Variants in CBL observed in about 807,000 individuals in gnomAD.
The protein encoded by CBL is Cbl proto-oncogene, also known as E3 ubiquitin-protein ligase CBL.
A neutral mutation model predicts 96.9 loss-of-function variants in CBL; 45 were observed. The observed-to-expected ratio is 0.46, with a 90% CI of 0.37 to 0.60. The LOEUF is 0.60. Ranked by LOEUF, CBL falls within the 20% of genes least tolerant of loss-of-function variation. The pLI, the probability that CBL is intolerant of heterozygous loss-of-function variation, is 0.00. For synonymous variants in CBL, 420 were observed against 426.8 expected (o/e 0.98, Z 0.20); for missense variants, 1,024 against 1,143.5 (o/e 0.90, Z 1.51).
chr11:119,250,590 A>C (rs758524105), intron 2 of CBL, among the ~76,000 whole-genome samples: 11 of 152,192 alleles, frequency 7.2e-5, no homozygotes, highest in Non-Finnish European at 1.3e-4. Context: ...TAGATCAATC[A>C]CAGGGCTTGC....
chr11:119,272,502 G>T (rs980861704), intron 3 of CBL, among the ~76,000 whole-genome samples: 14 of 152,196 alleles, frequency 9.2e-5, no homozygotes, highest in African/African-American at 2.9e-4. Context: ...TCATATGCAA[G>T]AAATTGTCTT....
intron 1 of CBL, among the ~76,000 whole-genome samples, chr11:119,210,603 A>ATTTTT (rs768564444): frequency 0.031 from 3,052 of 98,600 alleles, 252 homozygotes; most frequent in African/African-American, 0.12. Context: ...TAATTTTTCA[A>ATTTTT]TTTTTTTTTT....
At position 119,305,171 on chromosome 11, in the gene CBL, A is replaced by G; in HGVS notation, c.*5390A>G. The G allele has an allele frequency of 4.4e-6, 1 of 226,422 alleles. No individual in the cohort carries two copies. The highest frequency in any genetic ancestry group is 6.3e-5 in the East Asian group (1 of 15,840). The allele number at this position is 226,422 out of a possible 1,614,324, so 14.0% of individuals were successfully genotyped here. A position where few individuals can be genotyped will look rare whatever the true frequency, so the allele number is the denominator to read the frequency against. On this transcript the variant is annotated 3_prime_UTR_variant, in exon 16 of 16. Transcript: ENST00000264033. ...AGGAAGGCACAGGAGTTTGTCTGGG[A>G]CATCATAGAAATTCTTAGGTTTAAC...
chr11:119,300,111 G>A lies in CBL; in HGVS notation c.*330G>A. 1 of 549,334 alleles carries A rather than the reference G, an allele frequency of 1.8e-6. No individual in the cohort carries two copies. The highest frequency in any genetic ancestry group is 3.2e-6 in the Non-Finnish European group (1 of 308,240). The allele number at this position is 549,334 out of a possible 1,614,324, so 34.0% of individuals were successfully genotyped here. A position where few individuals can be genotyped will look rare whatever the true frequency, so the allele number is the denominator to read the frequency against. On this transcript the variant is annotated 3_prime_UTR_variant, in exon 16 of 16. Transcript: ENST00000264033. Reference sequence around the variant, plus strand: ...GTATTTTGCTGGAAATCCTAATTGAGGACTTAAGACTTCCTGGGTTAAGGA... The same window carrying A: ...GTATTTTGCTGGAAATCCTAATTGAAGACTTAAGACTTCCTGGGTTAAGGA...
At chr11:119,225,457 G>C (rs972037666) in intron 1 of CBL, among the ~76,000 whole-genome samples, 1 of 152,104 alleles carries the variant, frequency 6.6e-6, no homozygotes, top group Non-Finnish European at 1.5e-5. Context: ...GGAGTGTGGT[G>C]ATGCAGTCTT....
At chr11:119,254,503 G>A (rs11217222) in intron 2 of CBL, among the ~76,000 whole-genome samples, 7,176 of 152,230 alleles carry the variant, frequency 0.047, 562 homozygotes, top group African/African-American at 0.16. Flanking sequence ...GCATGTTACT[G>A]TACTGAGTAC....
intron 9 of CBL, among the ~76,000 whole-genome samples, chr11:119,283,992 G>T (rs1210551751): frequency 6.6e-6 from 1 of 151,910 alleles, no homozygotes. Flanking sequence ...ATGCTTTTTA[G>T]TGATATTCTT....
intron 1 of CBL, among the ~76,000 whole-genome samples, 179 bp from the exon 2 acceptor site, chr11:119,232,269 C>A (rs534873389): frequency 7.9e-5 from 12 of 152,192 alleles, no homozygotes; most frequent in Non-Finnish European, 1.3e-4. Flanking sequence ...TCTGGGGGAC[C>A]ACTAAAAATT....
rs1399786367 is a variant in CBL, at chr11:119,300,539, GA to G, written c.*762del. ...GGTTTGTTTGGTAGATAAGTGGGAG[GA>G]AAAGTACTGTTGCTACACTATTATA... On this transcript the variant is annotated 3_prime_UTR_variant, in exon 16 of 16. Coordinates refer to ENST00000264033, the MANE Select transcript of CBL (RefSeq NM_005188.4). 1.0e-5 allele frequency: 4 copies of G among 399,542 alleles called. No individual in the cohort carries two copies. The highest frequency in any genetic ancestry group is 8.2e-5 in the African/African-American group (4 of 48,578). 24.7% of individuals were successfully genotyped at this position (399,542 alleles called of 1,614,324 possible).
intron 2 of CBL, among the ~76,000 whole-genome samples, chr11:119,268,024 A>G (rs1001391618): frequency 6.6e-6 from 1 of 152,250 alleles, no homozygotes; most frequent in African/African-American, 2.4e-5. Flanking sequence ...AGGCAGGTGT[A>G]AGAAAAGGTG....
intron 11 of CBL, among the ~76,000 whole-genome samples, chr11:119,287,119 A>C (rs1316907267): frequency 6.6e-6 from 1 of 152,234 alleles, no homozygotes; most frequent in Non-Finnish European, 1.5e-5. Context: ...TATAGCCAGT[A>C]CTAAATGAGC....
Position 119,306,398 on chromosome 11 carries a change from C to G in CBL, c.*6617C>G. 1 of 398,902 alleles carries G rather than the reference C, an allele frequency of 2.5e-6. No homozygotes were observed. The highest frequency in any genetic ancestry group is 4.4e-6 in the Non-Finnish European group (1 of 226,140). The allele number at this position is 398,902 out of a possible 1,614,324, so 24.7% of individuals were successfully genotyped here. On this transcript the variant is annotated 3_prime_UTR_variant, in exon 16 of 16. Coordinates refer to ENST00000264033, the MANE Select transcript of CBL (RefSeq NM_005188.4). Reference sequence around the variant, plus strand: ...AAATGAATGTCAGGCCCCGCCCCCTCCCCACCAACATTGCCTCTCCTACAT... The same window carrying G: ...AAATGAATGTCAGGCCCCGCCCCCTGCCCACCAACATTGCCTCTCCTACAT...
intron 2 of CBL, among the ~76,000 whole-genome samples, chr11:119,245,909 G>A (rs1240327955): frequency 8.1e-6 from 1 of 122,936 alleles, no homozygotes; most frequent in African/African-American, 2.9e-5. Context: ...TTGGTATTTT[G>A]TTAATAGCAG....
At chr11:119,228,144 C>T (rs1003473397) in intron 1 of CBL, among the ~76,000 whole-genome samples, 2 of 151,216 alleles carry the variant, frequency 1.3e-5, no homozygotes, top group Non-Finnish European at 2.9e-5. Flanking sequence ...GAGATAGAGT[C>T]TCATTCCGTT....
intron 15 of CBL, among the ~76,000 whole-genome samples, chr11:119,299,237 A>C (rs957852622): frequency 3.3e-5 from 5 of 152,244 alleles, no homozygotes; most frequent in African/African-American, 1.2e-4. Flanking sequence ...AGTGTAAAGC[A>C]TGATGCAGAT....
At chr11:119,215,628 G>A (rs903926229) in intron 1 of CBL, among the ~76,000 whole-genome samples, 1 of 150,784 alleles carries the variant, frequency 6.6e-6, no homozygotes, top group East Asian at 1.9e-4. Flanking sequence ...CGGAGATCAC[G>A]CCATTGCACT....
intron 9 of CBL, among the ~76,000 whole-genome samples, chr11:119,284,629 TTCTC>T (rs1344026347): frequency 2.6e-5 from 4 of 152,220 alleles, no homozygotes; most frequent in Admixed American, 2.0e-4. Flanking sequence ...ATTTTTTTCT[TTCTC>T]CAAAGATGAG....
At chr11:119,284,354 G>A (rs1389833018) in intron 9 of CBL, among the ~76,000 whole-genome samples, 1 of 151,896 alleles carries the variant, frequency 6.6e-6, no homozygotes, top group Non-Finnish European at 1.5e-5. Context: ...TGCCCAGGCT[G>A]GAGTACAGTG....
At chr11:119,294,660 A>T (rs1018267146) in intron 12 of CBL, among the ~76,000 whole-genome samples, 1 of 151,346 alleles carries the variant, frequency 6.6e-6, no homozygotes, top group Non-Finnish European at 1.5e-5. Context: ...GTGTGGTGGC[A>T]TGTGCTTGTG....
Sources: gnomAD v4.1 joint callset for allele counts (sites outside exome capture counted in the v4.1 genomes callset) on GRCh38, gnomAD v4.1.1 for gene constraint, MANE v1.5 for transcripts, NCBI Gene and HGNC (gene_info 2026-07-23, HGNC 2026-07-21) for gene names.